TLL1: variants seen among roughly 807,000 people sequenced by gnomAD.
TLL1 encodes the protein tolloid like 1.
Under a neutral mutation model 128.2 loss-of-function variants are expected in TLL1, and 49 were observed. The observed-to-expected ratio is 0.38, with a 90% CI of 0.30 to 0.48. The LOEUF (loss-of-function observed/expected upper bound fraction) is 0.48. Ranked by LOEUF, TLL1 falls within the 20% of genes least tolerant of loss-of-function variation. The probability of loss-of-function intolerance (pLI) is 0.96; values close to 1 mark genes in which losing one functional copy is unlikely to be tolerated. For missense variants in TLL1, 1,123 were observed against 1,242.0 expected (o/e 0.90, Z 1.44); for synonymous variants, 454 against 418.8 (o/e 1.08, Z -1.03).
At chr4:166,019,933 AG>A (rs1297536451) in intron 8 of TLL1, among the ~76,000 whole-genome samples, 30 of 152,274 alleles carry the variant, frequency 2.0e-4, no homozygotes, top group Non-Finnish European at 4.3e-4. Context: ...ATCATGAAAA[AG>A]CTCAATACAG....
At chr4:165,984,040 A>C (rs986620907) in intron 1 of TLL1, among the ~76,000 whole-genome samples, 4 of 151,904 alleles carry the variant, frequency 2.6e-5, no homozygotes, top group African/African-American at 7.2e-5. Context: ...TTTGAAAAAA[A>C]TGATAATGTT....
Position 166,063,965 on chromosome 4 carries a change from G to A in TLL1, c.2008-1718G>A, listed in dbSNP as rs117835124. 7.8e-4 allele frequency among the ~76,000 whole-genome samples: 118 copies of A among 151,620 alleles called. 4 individuals are homozygous for A. The East Asian group carries it at 0.021, about 28-fold the overall frequency. ...ACGTATGTAACAAACTTCACGTTGT[G>A]CACATGTACCCTAGAACTTAAAGTA... On this transcript the variant is annotated intron_variant, in intron 15 of 20. Transcript: ENST00000061240.
intron 18 of TLL1, among the ~76,000 whole-genome samples, chr4:166,089,393 T>C (rs1741661364): frequency 6.6e-6 from 1 of 152,152 alleles, no homozygotes; most frequent in Non-Finnish European, 1.5e-5. Context: ...AGAATTTTCA[T>C]ACTTGAGGTT....
chr4:166,084,264 C>G (rs1741406797), intron 18 of TLL1, among the ~76,000 whole-genome samples: 1 of 151,918 alleles, frequency 6.6e-6, no homozygotes, highest in African/African-American at 2.4e-5. Flanking sequence ...GTTTGAGTTC[C>G]TTTTATATTT....
intron 16 of TLL1, among the ~76,000 whole-genome samples, chr4:166,070,494 T>C (rs1191391373): frequency 6.6e-6 from 1 of 151,964 alleles, no homozygotes; most frequent in East Asian, 1.9e-4. Context: ...GATTCAGTTA[T>C]GACTCTGCAA....
intron 1 of TLL1, among the ~76,000 whole-genome samples, chr4:165,906,624 G>C (rs1202345525): frequency 1.3e-5 from 2 of 152,138 alleles, no homozygotes; most frequent in African/African-American, 4.8e-5. Flanking sequence ...TATAAGAAAG[G>C]AGATAAGATA....
chr4:166,043,216 T>C, intron 11 of TLL1, 58 bp from the exon 12 acceptor site: 1 of 1,611,444 alleles, frequency 6.2e-7, no homozygotes, highest in Non-Finnish European at 8.5e-7. Context: ...TAGAAGAAAA[T>C]GAAAATGAAA....
At chr4:166,056,410 T>C (rs1483139564) in intron 13 of TLL1, among the ~76,000 whole-genome samples, 3 of 151,498 alleles carry the variant, frequency 2.0e-5, no homozygotes, top group African/African-American at 4.8e-5. Flanking sequence ...ATATACTTTA[T>C]GTATATTTTG....
intron 1 of TLL1, among the ~76,000 whole-genome samples, chr4:165,876,995 T>G (rs190290955): frequency 6.6e-6 from 1 of 152,376 alleles, no homozygotes; most frequent in Admixed American, 6.5e-5. Flanking sequence ...TTTAATATGT[T>G]CTCAATACCT....
At chr4:166,056,462 T>G (rs2111112556) in intron 13 of TLL1, among the ~76,000 whole-genome samples, 1 of 151,932 alleles carries the variant, frequency 6.6e-6, no homozygotes, top group South Asian at 2.1e-4. Context: ...TTTATTAAAA[T>G]GGGGTTATCA....
chr4:166,090,917 T>C (rs1741740041), intron 18 of TLL1, among the ~76,000 whole-genome samples: 1 of 152,186 alleles, frequency 6.6e-6, no homozygotes, highest in East Asian at 1.9e-4. Context: ...TAGTGGAATT[T>C]CATATGAAGT....
rs1464945278 is a variant in TLL1 at position 165,989,411 on chromosome 4, A to T, written c.200A>T (p.Asp67Val). ...TTTTGGGGCGATATTGCCTTAGATGATGAAGACTTAAATATCTTTCAAATA... is the reference window on the plus strand; with the variant it reads ...TTTTGGGGCGATATTGCCTTAGATGTTGAAGACTTAAATATCTTTCAAATA... ...AVFWGDIALD[D>V]EDLNIFQIDR... Residue 67 changes from aspartate to valine, a missense_variant, in exon 2 of 21, where the codon GAT (aspartate) becomes GTT (valine). Physicochemically the swap from Asp to Val is radical, Grantham distance 152. This residue lies in a region of TLL1 where 480 missense variants were observed against 542.4 expected (regional missense o/e 0.89). Coordinates refer to ENST00000061240, the MANE Select transcript of TLL1 (RefSeq NM_012464.5). The T allele has an allele frequency of 6.2e-7, 1 of 1,612,762 alleles. No homozygotes were observed. The highest frequency in any genetic ancestry group is 1.1e-5 in the South Asian group (1 of 91,050).
intron 1 of TLL1, among the ~76,000 whole-genome samples, chr4:165,914,982 T>C (rs80281282): frequency 0.052 from 7,888 of 152,276 alleles, 686 homozygotes; most frequent in African/African-American, 0.18. Flanking sequence ...TCCTGAGCAA[T>C]GAATATGCTC....
chr4:166,020,863 A>G (rs1738193980), intron 8 of TLL1, among the ~76,000 whole-genome samples: 1 of 152,214 alleles, frequency 6.6e-6, no homozygotes, highest in Non-Finnish European at 1.5e-5. Context: ...CTCTATTGTT[A>G]TGTAAAAGTG....
At chr4:166,098,613 G>A (rs1030262449) in intron 19 of TLL1, among the ~76,000 whole-genome samples, 11 of 151,924 alleles carry the variant, frequency 7.2e-5, no homozygotes, top group South Asian at 4.1e-4. Flanking sequence ...GTAGAACTGC[G>A]AAGATAATTA....
chr4:166,011,611 G>T (rs1737698896), intron 7 of TLL1, among the ~76,000 whole-genome samples: 1 of 151,170 alleles, frequency 6.6e-6, no homozygotes, highest in Non-Finnish European at 1.5e-5. Context: ...GTCCAATTTG[G>T]ATGGCTTTTA....
At chr4:166,022,628 C>G (rs1231787719) in intron 8 of TLL1, among the ~76,000 whole-genome samples, 1 of 152,136 alleles carries the variant, frequency 6.6e-6, no homozygotes, top group Non-Finnish European at 1.5e-5. Flanking sequence ...GAGCTATAGA[C>G]ATTAGACAGC....
intron 12 of TLL1, among the ~76,000 whole-genome samples, chr4:166,051,123 TTTA>T (rs1321239341): frequency 1.3e-5 from 2 of 152,184 alleles, no homozygotes; most frequent in Non-Finnish European, 2.9e-5. Context: ...CGGCATCATC[TTTA>T]TTTATTATAT....
chr4:166,093,681 C>A (rs1027219436), intron 19 of TLL1, among the ~76,000 whole-genome samples: 11 of 152,110 alleles, frequency 7.2e-5, no homozygotes, highest in African/African-American at 2.7e-4. Context: ...CCTTTCTCAT[C>A]CCACGATGCC....
Sources: allele counts gnomAD v4.1 joint callset (sites outside exome capture counted in the v4.1 genomes callset), GRCh38; gene constraint gnomAD v4.1.1; regional missense constraint gnomAD v4.1.1; transcripts MANE v1.5; gene names NCBI Gene and HGNC (gene_info 2026-07-23, HGNC 2026-07-21).